CCDC166: variants seen among roughly 807,000 people sequenced by gnomAD.
CCDC166 encodes the protein coiled-coil domain containing 166, also known as coiled-coil domain-containing protein 166.
CCDC166 carries 17 observed loss-of-function variants against 14.4 expected under a neutral mutation model. The observed-to-expected ratio is 1.18, with a 90% CI of 0.81 to 1.77. The LOEUF (loss-of-function observed/expected upper bound fraction) is 1.77, where lower values mean the gene tolerates loss of function less well. Ranked by LOEUF, CCDC166 falls within the 40% of genes most tolerant of loss-of-function variation. CCDC166 has a pLI of 0.00. For synonymous variants in CCDC166, 336 were observed against 330.1 expected, an observed-to-expected ratio of 1.02 and a Z score of -0.20; for missense variants, 738 against 665.8, an observed-to-expected ratio of 1.11 and a Z score of -1.19.
chr8:143,708,008 C>A lies in CCDC166; in HGVS notation c.102G>T (p.Leu34=). ...CCGAGAGCAGCGCGTGTTCGCGTTG[C>A]AGGTACTGCGCGCGCTCCGATAGCG... The part of the protein sequence containing the change: ...EQPLSERAQY[L]QREHALLSEQ... Residue 34 remains leucine, a synonymous_variant, in exon 1 of 2, where the codon CTG becomes CTT. Coordinates refer to ENST00000542437, the MANE Select transcript of CCDC166 (RefSeq NM_001162914.1). The A allele has an allele frequency of 6.6e-7, 1 of 1,523,522 alleles. No individual in the cohort carries two copies. The highest frequency in any genetic ancestry group is 8.8e-7 in the Non-Finnish European group (1 of 1,137,314). The allele number at this position is 1,523,522 out of a possible 1,614,324, so 94.4% of individuals were successfully genotyped here. A position where few individuals can be genotyped will look rare whatever the true frequency, so the allele number is the denominator to read the frequency against.
chr8:143,706,698 G>T lies in CCDC166; in HGVS notation c.1316C>A (p.Ala439Asp). 6.5e-7 allele frequency: 1 copy of T among 1,540,542 alleles called. No individual in the cohort carries two copies. The highest frequency in any genetic ancestry group is 8.8e-7 in the Non-Finnish European group (1 of 1,139,838). The change falls in exon 2 of 2, where the codon GCC becomes GAC. Residue 439 changes from alanine to aspartate, a missense_variant. By Grantham distance (126) the Ala-to-Asp change is moderately radical. Coordinates refer to ENST00000542437, the MANE Select transcript of CCDC166 (RefSeq NM_001162914.1). ...TGGGCCTCACTCTCTGCAGGTTCAG[G>T]CTCTACCCGGGGAGGCTTCTGCCGC... ...EAAAEASPGR[A>D] is the part of the protein sequence containing the mutation.
chr8:143,707,942 C>T lies in CCDC166; in HGVS notation c.168G>A (p.Leu56=). The T allele has an allele frequency of 1.3e-6, 2 of 1,537,448 alleles. No homozygotes were observed. The highest frequency in any genetic ancestry group is 1.2e-5 in the South Asian group (1 of 84,054). The change falls in exon 1 of 2, where the codon CTG becomes CTA. Residue 56 remains leucine (L), a synonymous_variant. Coordinates refer to ENST00000542437, the MANE Select transcript of CCDC166 (RefSeq NM_001162914.1). This position sits in a 1 kb window ranked among gnomAD's most constrained non-coding sequence, Gnocchi z 8.0. The part of the protein sequence containing the change: ...DTCEESVDQV[L]RENAFLDREA... ...CGCGGTCCAGGAAGGCGTTCTCTCG[C>T]AGCACCTGGTCAACGCTCTCCTCGC...
chr8:143,707,408 C>T lies in CCDC166; in HGVS notation c.606G>A (p.Ala202=), dbSNP rs1278375389. The stretch of plus-strand genomic sequence containing the variant: ...GCACCGCCTCCCGCTCCGCGCGCCG[C>T]GCCAGTGACTGCACGCGCTGACGCG... ...REARQRVQSL[A]RRAEREAVRA... The change falls in exon 2 of 2, where the codon GCG becomes GCA. Residue 202 remains alanine (A), a synonymous_variant. Coordinates refer to ENST00000542437, the MANE Select transcript of CCDC166 (RefSeq NM_001162914.1). This position sits in a 1 kb window ranked among gnomAD's most constrained non-coding sequence, Gnocchi z 8.0. 6 of 1,447,662 alleles carry T rather than the reference C, an allele frequency of 4.1e-6. No individual in the cohort carries two copies. In the African/African-American group the frequency reaches 6.0e-5, roughly 14 times the overall value. 89.7% of individuals were successfully genotyped at this position (1,447,662 alleles called of 1,614,324 possible).
chr8:143,707,331 C>G lies in CCDC166; in HGVS notation c.683G>C (p.Arg228Pro). ...GCGGAGCAGCAGCAGCAGCTCCTGC[C>G]GCAGGCGTCCGTTGTCCGCTTTGAT... Reference protein sequence around the residue: ...QAIKADNGRLRQELLLLLRRT... With the variant: ...QAIKADNGRLPQELLLLLRRT... The change falls in exon 2 of 2, where the codon CGG (arginine) becomes CCG (proline). Residue 228 changes from arginine to proline, a missense_variant. By Grantham distance (103) the Arg-to-Pro change is moderately radical. Transcript: ENST00000542437. The surrounding 1 kb of genome is among the most constrained non-coding windows in gnomAD (Gnocchi z 8.0). 1 of 1,409,508 alleles carries G rather than the reference C, an allele frequency of 7.1e-7. No homozygotes were observed. The highest frequency in any genetic ancestry group is 9.2e-7 in the Non-Finnish European group (1 of 1,087,308). The allele number at this position is 1,409,508 out of a possible 1,614,324, so 87.3% of individuals were successfully genotyped here.
In CCDC166 at chr8:143,707,785, G is replaced by A; in HGVS notation, c.325C>T (p.Arg109Trp). ...TGGTAGAGCGAGGCCAGTTCCGCCC[G>A]CTGCCAGTGGATCTGCGCTAGGTCC... ...RVDLAQIHWQ[R>W]AELASLYHGR... Residue 109 changes from arginine to tryptophan, a missense_variant, in exon 1 of 2, where the codon CGG becomes TGG. Physicochemically the swap from Arg to Trp is moderately radical, Grantham distance 101 (BLOSUM62 -3). Transcript: ENST00000542437. The surrounding 1 kb of genome is among the most constrained non-coding windows in gnomAD (Gnocchi z 8.0). The A allele has an allele frequency of 6.5e-7, 1 of 1,540,022 alleles. No homozygotes were observed. The highest frequency in any genetic ancestry group is 8.7e-7 in the Non-Finnish European group (1 of 1,146,046).
In CCDC166 at chr8:143,707,605, G is replaced by GC. The variant is rs1817563374; in HGVS notation, c.445-37dup. 1 of 1,333,782 alleles carries GC rather than the reference G, an allele frequency of 7.5e-7. No individual in the cohort carries two copies. Among genetic ancestry groups the GC allele is most frequent in the African/African-American group, 1.6e-5 (1 of 64,286 alleles). The allele number at this position is 1,333,782 out of a possible 1,614,324, so 82.6% of individuals were successfully genotyped here. On this transcript the variant is annotated intron_variant, in intron 1 of 1. Transcript: ENST00000542437. The surrounding 1 kb of genome is among the most constrained non-coding windows in gnomAD (Gnocchi z 8.0). ...GGCGCCGTCAGCTCACCCCCACCCC[G>GC]CCCCCGGCCCGGCCACCAGCCCCGC...
At position 143,708,003 on chromosome 8, in the gene CCDC166, CGT is replaced by C; in HGVS notation, c.105_106del (p.Glu37ThrfsTer16). The C allele has an allele frequency of 6.6e-7, 1 of 1,526,474 alleles. No homozygotes were observed. The highest frequency in any genetic ancestry group is 8.8e-7 in the Non-Finnish European group (1 of 1,139,538). 94.6% of individuals were successfully genotyped at this position (1,526,474 alleles called of 1,614,324 possible). On this transcript the variant is annotated frameshift_variant, in exon 1 of 2. Transcript: ENST00000542437. LOFTEE classifies it high-confidence loss of function. ...CTGCTCCGAGAGCAGCGCGTGTTCG[CGT>C]TGCAGGTACTGCGCGCGCTCCGATA...
At position 143,707,882 on chromosome 8, in the gene CCDC166, G is replaced by T; in HGVS notation, c.228C>A (p.Tyr76Ter). The T allele has an allele frequency of 6.5e-7, 1 of 1,538,050 alleles. No individual in the cohort carries two copies. Among genetic ancestry groups the T allele is most frequent in the South Asian group, 1.2e-5 (1 of 84,050 alleles). Residue 76 changes from tyrosine to a stop codon, truncating the protein, a stop_gained, in exon 1 of 2, where the codon TAC becomes TAA. Transcript: ENST00000542437. LOFTEE classifies it high-confidence loss of function. This position sits in a 1 kb window ranked among gnomAD's most constrained non-coding sequence, Gnocchi z 8.0. ...ALRLREENRL[Y>*]ASYVSARAQR... is the part of the protein sequence containing the mutation. ...GGGCGCGCGCGCTCACGTAGCTGGC[G>T]TAGAGCCGGTTCTCCTCGCGCAGGC...
chr8:143,707,746 C>T lies in CCDC166; in HGVS notation c.364G>A (p.Gly122Arg), dbSNP rs1554616904. 1.3e-6 allele frequency: 2 copies of T among 1,535,134 alleles called. No homozygotes were observed. Among genetic ancestry groups the T allele is most frequent in the East Asian group, 2.5e-5 (1 of 40,638 alleles). The stretch of plus-strand genomic sequence containing the variant: ...ATCTCCAACAGCTGCGCGCGCACCC[C>T]GTCCTCGCGCCCGTGGTAGAGCGAG... ...LASLYHGRED[G>R]VRAQLLEMEA... Residue 122 changes from glycine to arginine, a missense_variant, in exon 1 of 2, where the codon GGG (glycine) becomes AGG (arginine). Gly to Arg is a moderately radical substitution (Grantham distance 125). Transcript: ENST00000542437. This position sits in a 1 kb window ranked among gnomAD's most constrained non-coding sequence, Gnocchi z 8.0.
rs1221222750 is a variant in CCDC166, at chr8:143,707,120, G to A, written c.894C>T (p.Ala298=). The change falls in exon 2 of 2, where the codon GCC becomes GCT. Residue 298 remains alanine, a synonymous_variant. Coordinates refer to ENST00000542437, the MANE Select transcript of CCDC166 (RefSeq NM_001162914.1). The surrounding 1 kb of genome is among the most constrained non-coding windows in gnomAD (Gnocchi z 8.0). ...CCGCGCGCGACGGGCTTATGGGGGC[G>A]GCTAATGACCCGGGGCGCGAGGTGG... ...SQPTSRPGSL[A]APISPSRAAS... The A allele has an allele frequency of 7.4e-6, 11 of 1,488,142 alleles. No individual in the cohort carries two copies. Among genetic ancestry groups the A allele is most frequent in the Non-Finnish European group, 9.8e-6 (11 of 1,126,430 alleles). The allele number at this position is 1,488,142 out of a possible 1,614,324, so 92.2% of individuals were successfully genotyped here. A position where few individuals can be genotyped will look rare whatever the true frequency, so the allele number is the denominator to read the frequency against.
chr8:143,707,545 G>C lies in CCDC166; in HGVS notation c.469C>G (p.Arg157Gly). 7.4e-7 allele frequency: 1 copy of C among 1,354,014 alleles called. No homozygotes were observed. The allele number at this position is 1,354,014 out of a possible 1,614,324, so 83.9% of individuals were successfully genotyped here. The stretch of plus-strand genomic sequence containing the variant: ...AGCTCGCGCTCCAGCGCCCGGATCC[G>C]GGCCAGCTGCTCCAGCTGCAGCACC... ...YKVLQLEQLA[R>G]IRALERELLH... Residue 157 changes from arginine (R) to glycine (G), a missense_variant, in exon 2 of 2, where the codon CGG (arginine) becomes GGG (glycine). Coordinates refer to ENST00000542437, the MANE Select transcript of CCDC166 (RefSeq NM_001162914.1). The surrounding 1 kb of genome is among the most constrained non-coding windows in gnomAD (Gnocchi z 8.0).
chr8:143,706,921 G>A lies in CCDC166; in HGVS notation c.1093C>T (p.Arg365Cys), dbSNP rs1554616641. ...AGCGACAGGGCCCGGGAGCCTGCGC[G>A]CGAAGCGGTCAGGGATGGCATCCGG... ...GSRMPSLTASRAGSRALSLVQ... is the reference protein window; with the variant it reads ...GSRMPSLTASCAGSRALSLVQ... The change falls in exon 2 of 2, where the codon CGC becomes TGC. Residue 365 changes from arginine to cysteine, a missense_variant. By Grantham distance (180) the Arg-to-Cys change is radical (BLOSUM62 -3). Transcript: ENST00000542437. 1.3e-6 allele frequency: 2 copies of A among 1,549,642 alleles called. No homozygotes were observed. The highest frequency in any genetic ancestry group is 1.4e-5 in the African/African-American group (1 of 73,042).
rs782807729 is a variant in CCDC166, at chr8:143,707,290, G to A, written c.724C>T (p.His242Tyr). 7 of 1,443,394 alleles carry A rather than the reference G, an allele frequency of 4.8e-6. No homozygotes were observed. In the South Asian group the frequency reaches 8.1e-5, roughly 17 times the overall value. The allele number at this position is 1,443,394 out of a possible 1,614,324, so 89.4% of individuals were successfully genotyped here. ...LLLLRRTQLL[H>Y]HTRRQLLEQR... Reference sequence around the variant, plus strand: ...TCCAGCAGCTGGCGCCGCGTGTGGTGCAGCAGCTGGGTCCGGCGGAGCAGC... The same window carrying A: ...TCCAGCAGCTGGCGCCGCGTGTGGTACAGCAGCTGGGTCCGGCGGAGCAGC... The change falls in exon 2 of 2, where the codon CAC (histidine) becomes TAC (tyrosine). Residue 242 changes from histidine (H) to tyrosine (Y), a missense_variant. Physicochemically the swap from His to Tyr is moderately conservative, Grantham distance 83 (BLOSUM62 2). Transcript: ENST00000542437. The surrounding 1 kb of genome is among the most constrained non-coding windows in gnomAD (Gnocchi z 8.0).
Position 143,707,597 on chromosome 8 carries a change from C to T in CCDC166, c.445-28G>A. ...GCGGCGGGGGCGCCGTCAGCTCACC[C>T]CCACCCCGCCCCCGGCCCGGCCACC... On this transcript the variant is annotated intron_variant, in intron 1 of 1. Coordinates refer to ENST00000542437, the MANE Select transcript of CCDC166 (RefSeq NM_001162914.1). The surrounding 1 kb of genome is among the most constrained non-coding windows in gnomAD (Gnocchi z 8.0). 1 of 1,349,918 alleles carries T rather than the reference C, an allele frequency of 7.4e-7. No homozygotes were observed. The highest frequency in any genetic ancestry group is 9.5e-7 in the Non-Finnish European group (1 of 1,056,284). The allele number at this position is 1,349,918 out of a possible 1,614,324, so 83.6% of individuals were successfully genotyped here.
In CCDC166 at chr8:143,706,742, G is replaced by A; in HGVS notation, c.1272C>T (p.Asp424=). 1 of 1,550,592 alleles carries A rather than the reference G, an allele frequency of 6.4e-7. No homozygotes were observed. The highest frequency in any genetic ancestry group is 1.4e-5 in the African/African-American group (1 of 73,200). ...CTGCCGCAGCTTCAGCGTTCACGCT[G>A]TCCTCCGACTGTGGGGGGAGAAGAG... is the stretch of plus-strand genomic sequence containing the variant. ...DPALLPPQSE[D]SVNAEAAAEA... is the part of the protein sequence containing the mutation. Residue 424 remains aspartate, a synonymous_variant, in exon 2 of 2, where the codon GAC becomes GAT. Coordinates refer to ENST00000542437, the MANE Select transcript of CCDC166 (RefSeq NM_001162914.1).
In CCDC166 at chr8:143,707,993, CGCG is replaced by C; in HGVS notation, c.114_116del (p.His38_Ala39delinsGln). On this transcript the variant is annotated inframe_deletion, in exon 1 of 2. Transcript: ENST00000542437. The surrounding 1 kb of genome is among the most constrained non-coding windows in gnomAD (Gnocchi z 8.0). ...AGGTGTCCAGCTGCTCCGAGAGCAG[CGCG>C]TGTTCGCGTTGCAGGTACTGCGCGC... The C allele has an allele frequency of 6.5e-7, 1 of 1,528,840 alleles. No individual in the cohort carries two copies. The highest frequency in any genetic ancestry group is 8.8e-7 in the Non-Finnish European group (1 of 1,141,228). The allele number at this position is 1,528,840 out of a possible 1,614,324, so 94.7% of individuals were successfully genotyped here.
At position 143,706,784 on chromosome 8, in the gene CCDC166, G is replaced by A; in HGVS notation, c.1230C>T (p.Ser410=). The A allele has an allele frequency of 1.9e-6, 3 of 1,551,076 alleles. No individual in the cohort carries two copies. The highest frequency in any genetic ancestry group is 1.7e-4 in the Middle Eastern group (1 of 5,990). The change falls in exon 2 of 2, where the codon TCC becomes TCT. Residue 410 remains serine (S), a synonymous_variant. Coordinates refer to ENST00000542437, the MANE Select transcript of CCDC166 (RefSeq NM_001162914.1). ...KSGPKLLSGL[S]RDRDPALLPP... ...GGAGAAGAGCCGGATCCCGATCCCG[G>A]GACAGGCCAGAGAGAAGCTTGGGGC...
rs782132801 is a variant in CCDC166 at position 143,707,339 on chromosome 8, T to G, written c.675A>C (p.Gly225=). 1.4e-5 allele frequency: 20 copies of G among 1,407,066 alleles called. No individual in the cohort carries two copies. The South Asian group carries it at 2.7e-4, about 19-fold the overall frequency. The allele number at this position is 1,407,066 out of a possible 1,614,324, so 87.2% of individuals were successfully genotyped here. A position where few individuals can be genotyped will look rare whatever the true frequency, so the allele number is the denominator to read the frequency against. The stretch of plus-strand genomic sequence containing the variant: ...GCAGCAGCAGCTCCTGCCGCAGGCG[T>G]CCGTTGTCCGCTTTGATGGCCTGCG... The part of the protein sequence containing the change: ...AHTQAIKADN[G]RLRQELLLLL... Residue 225 remains glycine (G), a synonymous_variant, in exon 2 of 2, where the codon GGA becomes GGC. Transcript: ENST00000542437. The surrounding 1 kb of genome is among the most constrained non-coding windows in gnomAD (Gnocchi z 8.0).
In CCDC166 at chr8:143,707,890, G is replaced by C; in HGVS notation, c.220C>G (p.Arg74Gly). ...REALRLREENRLYASYVSARA... is the reference protein window; with the variant it reads ...REALRLREENGLYASYVSARA... Reference sequence around the variant, plus strand: ...GCGCTCACGTAGCTGGCGTAGAGCCGGTTCTCCTCGCGCAGGCGCAGCGCC... The same window carrying C: ...GCGCTCACGTAGCTGGCGTAGAGCCCGTTCTCCTCGCGCAGGCGCAGCGCC... The change falls in exon 1 of 2, where the codon CGG becomes GGG. Residue 74 changes from arginine to glycine, a missense_variant. Transcript: ENST00000542437. This position sits in a 1 kb window ranked among gnomAD's most constrained non-coding sequence, Gnocchi z 8.0. 6.5e-7 allele frequency: 1 copy of C among 1,537,932 alleles called. No individual in the cohort carries two copies. The highest frequency in any genetic ancestry group is 1.2e-5 in the South Asian group (1 of 84,042).
Sources: gnomAD v4.1 joint callset for allele counts on GRCh38, gnomAD v4.1.1 for gene constraint, Gnocchi (gnomAD v3.1) non-coding constraint, MANE v1.5 for transcripts, NCBI Gene and HGNC (gene_info 2026-07-23, HGNC 2026-07-21) for gene names.